Variants in ADAMTS16 observed in about 807,000 individuals in gnomAD.
ADAMTS16 encodes the protein ADAM metallopeptidase with thrombospondin type 1 motif 16.
In ADAMTS16, 94 loss-of-function variants were observed where a neutral mutation model predicts 145.8. The ratio of observed to expected loss-of-function variants is 0.64; its 90% CI spans 0.55 to 0.77. The LOEUF (loss-of-function observed/expected upper bound fraction) is 0.77. Among genes scored for constraint, ADAMTS16 ranks in the 30% least tolerant of loss-of-function variants. The pLI, the probability that ADAMTS16 is intolerant of heterozygous loss-of-function variation, is 0.00. For synonymous variants in ADAMTS16, 659 were observed against 604.3 expected (o/e 1.09, Z -1.33); for missense variants, 1,585 against 1,591.5 (o/e 1.00, Z 0.07).
At chr5:5,151,306 T>A (rs1734450763) in intron 3 of ADAMTS16, among the ~76,000 whole-genome samples, 1 of 151,908 alleles carries the variant, frequency 6.6e-6, no homozygotes. Flanking sequence ...TTGCACAATC[T>A]CAGCTCACTG....
At chr5:5,314,209 C>T (rs1023385539) in intron 21 of ADAMTS16, among the ~76,000 whole-genome samples, 1 of 152,150 alleles carries the variant, frequency 6.6e-6, no homozygotes, top group African/African-American at 2.4e-5. Flanking sequence ...CACACCAAGG[C>T]CCTCAGGAGG....
intron 22 of ADAMTS16, among the ~76,000 whole-genome samples, 192 bp from the exon 23 acceptor site, chr5:5,318,831 C>T (rs1734163274): frequency 6.6e-6 from 1 of 152,182 alleles, no homozygotes; most frequent in African/African-American, 2.4e-5. Context: ...TTCAGTTTTG[C>T]AGAAAACTTC....
chr5:5,185,108 A>G (rs1735461494), intron 4 of ADAMTS16, among the ~76,000 whole-genome samples: 3 of 152,198 alleles, frequency 2.0e-5, no homozygotes, highest in Admixed American at 2.0e-4. Context: ...TTGCATAAAC[A>G]TTAATGGCAA....
intron 9 of ADAMTS16, among the ~76,000 whole-genome samples, chr5:5,201,082 C>A (rs999547828): frequency 6.6e-6 from 1 of 152,186 alleles, no homozygotes; most frequent in Non-Finnish European, 1.5e-5. Context: ...AGTCTCTGCT[C>A]CACACAGTCA....
intron 10 of ADAMTS16, among the ~76,000 whole-genome samples, chr5:5,210,858 G>A (rs1220131757): frequency 2.0e-5 from 3 of 152,224 alleles, no homozygotes; most frequent in Middle Eastern, 6.8e-3. Flanking sequence ...TTCTATTAAT[G>A]TGGTGAATTA....
chr5:5,154,094 A>C (rs1258275397), intron 3 of ADAMTS16, among the ~76,000 whole-genome samples: 1 of 152,208 alleles, frequency 6.6e-6, no homozygotes, highest in Non-Finnish European at 1.5e-5. Context: ...CAGATTTTCA[A>C]CTGACTTTAA....
chr5:5,280,794 A>G (rs1738873004), intron 18 of ADAMTS16, among the ~76,000 whole-genome samples: 1 of 152,228 alleles, frequency 6.6e-6, no homozygotes, highest in Non-Finnish European at 1.5e-5. Context: ...ATATAAGCCT[A>G]TAATTAAATA....
intron 3 of ADAMTS16, among the ~76,000 whole-genome samples, chr5:5,158,085 T>C (rs1734645968): frequency 6.6e-6 from 1 of 152,238 alleles, no homozygotes; most frequent in Non-Finnish European, 1.5e-5. Flanking sequence ...TCACACTGTT[T>C]CACTGTTGCT....
At chr5:5,189,522 G>T (rs1735599135) in intron 6 of ADAMTS16, among the ~76,000 whole-genome samples, 1 of 152,118 alleles carries the variant, frequency 6.6e-6, no homozygotes. Context: ...AGTATTAAAA[G>T]ACTTATTTAT....
At chr5:5,222,114 T>A (rs535102019) in intron 10 of ADAMTS16, among the ~76,000 whole-genome samples, 89 of 152,194 alleles carry the variant, frequency 5.8e-4, no homozygotes, top group African/African-American at 2.1e-3. Context: ...ACTCGGAGAG[T>A]CTTTTATAGT....
At chr5:5,231,428 G>T (rs975496701) in intron 11 of ADAMTS16, among the ~76,000 whole-genome samples, 1 of 129,584 alleles carries the variant, frequency 7.7e-6, no homozygotes, top group Non-Finnish European at 1.8e-5. Flanking sequence ...TCCTATGAAA[G>T]TAGCCTTTTT....
chr5:5,191,659 G>C (rs1735664921), intron 7 of ADAMTS16, 26 bp from the exon 8 acceptor site: 1 of 1,571,022 alleles, frequency 6.4e-7, no homozygotes, highest in Admixed American at 1.7e-5. Flanking sequence ...ACCGCTATGT[G>C]TTCTTTTGAT....
chr5:5,163,605 C>G (rs1010924481), intron 3 of ADAMTS16, among the ~76,000 whole-genome samples: 1 of 152,206 alleles, frequency 6.6e-6, no homozygotes, highest in Non-Finnish European at 1.5e-5. Context: ...AAATTATCAT[C>G]CTCAGGCCCT....
intron 3 of ADAMTS16, among the ~76,000 whole-genome samples, chr5:5,158,274 C>T (rs947002374): frequency 2.0e-5 from 3 of 152,104 alleles, no homozygotes; most frequent in Non-Finnish European, 4.4e-5. Flanking sequence ...CCTACAGTAC[C>T]ACCACTGCCT....
chr5:5,151,148 T>A (rs1310627303), intron 3 of ADAMTS16, among the ~76,000 whole-genome samples: 2 of 152,014 alleles, frequency 1.3e-5, no homozygotes, highest in Non-Finnish European at 2.9e-5. Flanking sequence ...TTCTTTCTTT[T>A]AAAAATGTAC....
intron 3 of ADAMTS16, among the ~76,000 whole-genome samples, chr5:5,159,519 T>C (rs531726065): frequency 1.4e-4 from 21 of 152,306 alleles, no homozygotes; most frequent in South Asian, 1.2e-3. Flanking sequence ...CCACTCATTA[T>C]TGAACTGTGT....
At chr5:5,247,480 A>G (rs2964422) in intron 17 of ADAMTS16, among the ~76,000 whole-genome samples, 150,295 of 152,182 alleles carry the variant, frequency 0.99, 74,237 homozygotes, top group Middle Eastern at 1. Context: ...GGCCCATTTC[A>G]TCAAGTGTGC....
At chr5:5,186,285 T>C (rs1735495426) in intron 5 of ADAMTS16, 34 bp downstream of exon 5, 3 of 1,587,644 alleles carry the variant, frequency 1.9e-6, no homozygotes, top group Middle Eastern at 1.7e-4. Flanking sequence ...GCCACCTGTG[T>C]CATTGCACTT....
intron 9 of ADAMTS16, among the ~76,000 whole-genome samples, chr5:5,203,847 C>T (rs540985526): frequency 1.3e-5 from 2 of 152,266 alleles, no homozygotes; most frequent in East Asian, 1.9e-4. Flanking sequence ...GAAAGGTGAC[C>T]ATCATCGCAG....
Sources: gnomAD v4.1 joint callset for allele counts (sites outside exome capture counted in the v4.1 genomes callset) on GRCh38, gnomAD v4.1.1 for gene constraint, MANE v1.5 for transcripts, NCBI Gene and HGNC (gene_info 2026-07-23, HGNC 2026-07-21) for gene names.